The following ZNF804B variants were observed in gnomAD, a reference collection of about 807,000 sequenced individuals.
The protein encoded by ZNF804B is zinc finger 804B.
Under a neutral mutation model 101.4 loss-of-function variants are expected in ZNF804B, and 80 were observed. That is an observed-to-expected ratio of 0.79 (90% CI 0.66 to 0.95). The LOEUF (loss-of-function observed/expected upper bound fraction) is 0.95, where lower values mean the gene tolerates loss of function less well. ZNF804B is among the 40% of genes least tolerant of loss of function. The probability of loss-of-function intolerance (pLI) is 0.00; values close to 1 mark genes in which losing one functional copy is unlikely to be tolerated. For missense variants in ZNF804B, 1,673 were observed against 1,561.9 expected (o/e 1.07, Z -1.20); for synonymous variants, 622 against 558.8 (o/e 1.11, Z -1.59).
At chr7:88,829,041 CCCAT>C (rs1438339748) in intron 1 of ZNF804B, among the ~76,000 whole-genome samples, 3 of 152,104 alleles carry the variant, frequency 2.0e-5, no homozygotes, top group African/African-American at 7.2e-5. Flanking sequence ...TGGGGCTTAT[CCCAT>C]CCATTATCCT....
chr7:89,028,146 T>C (rs1007895646), intron 1 of ZNF804B, among the ~76,000 whole-genome samples: 3 of 152,184 alleles, frequency 2.0e-5, no homozygotes, highest in Non-Finnish European at 4.4e-5. Context: ...GATAGTGATA[T>C]ATTTTTAAAA....
rs1367694782 is a variant in ZNF804B, at chr7:89,037,435, T to A, written c.109-180720T>A. The stretch of plus-strand genomic sequence containing the variant: ...TGTACCAATTATTTAAATATAAACT[T>A]AAAATTTGAGGGTGCACATTTAGAT... On this transcript the variant is annotated intron_variant, in intron 1 of 3. Coordinates refer to ENST00000333190, the MANE Select transcript of ZNF804B (RefSeq NM_181646.5). Among the ~76,000 whole-genome samples, 2 of 151,960 alleles carry A rather than the reference T, an allele frequency of 1.3e-5. 1 individual carries two copies. Among genetic ancestry groups the A allele is most frequent in the South Asian group, 4.1e-4 (2 of 4,828 alleles).
intron 1 of ZNF804B, among the ~76,000 whole-genome samples, chr7:88,833,730 T>C (rs1182618665): frequency 6.6e-6 from 1 of 151,874 alleles, no homozygotes; most frequent in Non-Finnish European, 1.5e-5. Context: ...TCTCAAATAA[T>C]TTGATTGCAT....
chr7:89,099,290 G>T (rs1180356752), intron 1 of ZNF804B, among the ~76,000 whole-genome samples: 2 of 151,896 alleles, frequency 1.3e-5, no homozygotes, highest in Non-Finnish European at 2.9e-5. Flanking sequence ...TCTTTGAAAG[G>T]ATGATCTAAG....
At chr7:89,302,820 C>G (rs1384444867) in intron 2 of ZNF804B, among the ~76,000 whole-genome samples, 13 of 151,844 alleles carry the variant, frequency 8.6e-5, no homozygotes, top group Non-Finnish European at 1.9e-4. Flanking sequence ...ATATCTTTTC[C>G]ATCTTCATCT....
Position 88,931,826 on chromosome 7 carries a change from A to G in ZNF804B, c.108+171742A>G, listed in dbSNP as rs140046997. ...AAAAGTGATTCAATGTTTTTTTTAAAAAACTTCAAAACACTTGTTCACACT... is the reference window on the plus strand; with the variant it reads ...AAAAGTGATTCAATGTTTTTTTTAAGAAACTTCAAAACACTTGTTCACACT... On this transcript the variant is annotated intron_variant, in intron 1 of 3. Transcript: ENST00000333190. Among the ~76,000 whole-genome samples, 107 of 151,966 alleles carry G rather than the reference A, an allele frequency of 7.0e-4. 2 individuals carry two copies. In the East Asian group the frequency reaches 0.016, roughly 22 times the overall value.
intron 1 of ZNF804B, among the ~76,000 whole-genome samples, chr7:88,973,198 CT>C (rs887039479): frequency 1.3e-5 from 2 of 148,526 alleles, no homozygotes; most frequent in Admixed American, 6.7e-5. Flanking sequence ...AATGTGCAAT[CT>C]TTTTTTTTAC....
chr7:88,959,233 A>G (rs1053328611), intron 1 of ZNF804B, among the ~76,000 whole-genome samples: 5 of 151,424 alleles, frequency 3.3e-5, no homozygotes, highest in Non-Finnish European at 7.4e-5. Context: ...GTTTATGGCA[A>G]GTTTACCCTT....
chr7:89,177,950 C>G (rs770364886), intron 1 of ZNF804B, among the ~76,000 whole-genome samples: 43 of 151,116 alleles, frequency 2.8e-4, no homozygotes, highest in Admixed American at 2.0e-3. Flanking sequence ...AAAAAAAGAA[C>G]AAAAAACAAA....
At position 89,198,520 on chromosome 7, in the gene ZNF804B, C is replaced by T. The variant is rs59324389; in HGVS notation, c.109-19635C>T. On this transcript the variant is annotated intron_variant, in intron 1 of 3. Coordinates refer to ENST00000333190, the MANE Select transcript of ZNF804B (RefSeq NM_181646.5). ...ACACTATAAGCTAGTGTGTTTTATACTAAATAAAAAATAATGTGACCTTGA... is the reference window on the plus strand; with the variant it reads ...ACACTATAAGCTAGTGTGTTTTATATTAAATAAAAAATAATGTGACCTTGA... 4.4e-3 allele frequency among the ~76,000 whole-genome samples: 669 copies of T among 151,838 alleles called. 8 individuals are homozygous for T. Among genetic ancestry groups the T allele is most frequent in the African/African-American group, 0.015 (636 of 41,462 alleles).
chr7:89,149,773 C>A (rs1033245963), intron 1 of ZNF804B, among the ~76,000 whole-genome samples: 1 of 151,572 alleles, frequency 6.6e-6, no homozygotes, highest in Admixed American at 6.6e-5. Flanking sequence ...TTTTGGCATA[C>A]CAGATTGGCA....
chr7:89,298,214 GTGTA>G lies in ZNF804B; in HGVS notation c.250-29128_250-29125del, dbSNP rs1554391307. Among the ~76,000 whole-genome samples the G allele has an allele frequency of 4.5e-3, 264 of 58,642 alleles. 1 individual carries two copies. The highest frequency in any genetic ancestry group is 9.8e-3 in the South Asian group (14 of 1,424). 38.5% of individuals were successfully genotyped at this position (58,642 alleles called of 152,430 possible). On this transcript the variant is annotated intron_variant, in intron 2 of 3. Transcript: ENST00000333190. The stretch of plus-strand genomic sequence containing the variant: ...ATATATCTATATAGTGTGTGTGTGT[GTGTA>G]TATATATATATATATATATATATAT...
chr7:89,158,317 C>T (rs1791006659), intron 1 of ZNF804B, among the ~76,000 whole-genome samples: 1 of 152,098 alleles, frequency 6.6e-6, no homozygotes, highest in Non-Finnish European at 1.5e-5. Context: ...ATGGCACTGC[C>T]CTCCGTATAA....
intron 1 of ZNF804B, among the ~76,000 whole-genome samples, chr7:89,198,176 G>A (rs1330415208): frequency 6.6e-6 from 1 of 151,822 alleles, no homozygotes; most frequent in South Asian, 2.1e-4. Context: ...AAGGCATATA[G>A]GTTAAAATGG....
intron 1 of ZNF804B, among the ~76,000 whole-genome samples, chr7:88,844,803 T>G (rs1438606938): frequency 6.6e-6 from 1 of 152,208 alleles, no homozygotes; most frequent in African/African-American, 2.4e-5. Context: ...AGTACCATAT[T>G]CTTATATTTC....
At chr7:89,051,165 T>TTTTA (rs1490402190) in intron 1 of ZNF804B, among the ~76,000 whole-genome samples, 3 of 152,118 alleles carry the variant, frequency 2.0e-5, no homozygotes, top group African/African-American at 7.2e-5. Context: ...AATGCTGTGT[T>TTTTA]AAAGATCCTT....
In ZNF804B at chr7:89,301,099, G is replaced by GTTTTTT. The variant is rs5885673; in HGVS notation, c.250-26227_250-26222dup. On this transcript the variant is annotated intron_variant, in intron 2 of 3. Coordinates refer to ENST00000333190, the MANE Select transcript of ZNF804B (RefSeq NM_181646.5). Reference sequence around the variant, plus strand: ...TCAGAGATTGGAATTTTTCAAGCGTGTTTTTTTTTTTTTTTTTTTTTTTGG... The same window carrying GTTTTTT: ...TCAGAGATTGGAATTTTTCAAGCGTGTTTTTTTTTTTTTTTTTTTTTTTTTTTTTGG... Among the ~76,000 whole-genome samples the GTTTTTT allele has an allele frequency of 1.2e-4, 9 of 77,678 alleles. 1 individual carries two copies. The highest frequency in any genetic ancestry group is 1.2e-4 in the Non-Finnish European group (5 of 40,874). 51.0% of individuals were successfully genotyped at this position (77,678 alleles called of 152,430 possible).
intron 2 of ZNF804B, among the ~76,000 whole-genome samples, chr7:89,276,287 C>G (rs1789979002): frequency 6.6e-6 from 1 of 151,772 alleles, no homozygotes; most frequent in South Asian, 2.1e-4. Flanking sequence ...ACCTATGGAA[C>G]AAACCTGCAC....
intron 1 of ZNF804B, among the ~76,000 whole-genome samples, chr7:88,937,547 AAC>A (rs1443673747): frequency 1.3e-5 from 2 of 152,104 alleles, no homozygotes; most frequent in African/African-American, 2.4e-5. Flanking sequence ...TTAACCATAG[AAC>A]ACAGTAATCT....
Sources: allele counts gnomAD v4.1 joint callset (sites outside exome capture counted in the v4.1 genomes callset), GRCh38; gene constraint gnomAD v4.1.1; transcripts MANE v1.5; gene names NCBI Gene and HGNC (gene_info 2026-07-23, HGNC 2026-07-21).